PHACTR1: variants seen among roughly 807,000 people sequenced by gnomAD.
PHACTR1 encodes the protein phosphatase and actin regulator 1.
In PHACTR1, 16 loss-of-function variants were observed where a neutral mutation model predicts 69.2. The ratio of observed to expected loss-of-function variants is 0.23; its 90% confidence interval spans 0.16 to 0.35. PHACTR1 has a LOEUF of 0.35. Ranked by LOEUF, PHACTR1 falls within the 10% of genes least tolerant of loss-of-function variation. The pLI, the probability that PHACTR1 is intolerant of heterozygous loss-of-function variation, is 1.00. For missense variants in PHACTR1, 510 were observed against 734.7 expected (o/e 0.69, Z 3.54); for synonymous variants, 312 against 284.5 (o/e 1.10, Z -0.97).
intron 4 of PHACTR1, among the ~76,000 whole-genome samples, chr6:12,786,785 T>C (rs1192629096): frequency 6.6e-6 from 1 of 152,216 alleles, no homozygotes; most frequent in Non-Finnish European, 1.5e-5. Context: ...TGAACCCTTG[T>C]GGCAGAGCAA....
chr6:13,112,387 T>C (rs1817183341), intron 5 of PHACTR1, among the ~76,000 whole-genome samples: 1 of 152,232 alleles, frequency 6.6e-6, no homozygotes, highest in African/African-American at 2.4e-5. Flanking sequence ...CCTTTGGGTA[T>C]ACACCCACTA....
At chr6:12,779,321 G>C (rs1770513057) in intron 4 of PHACTR1, among the ~76,000 whole-genome samples, 1 of 152,028 alleles carries the variant, frequency 6.6e-6, no homozygotes, top group Admixed American at 6.6e-5. Flanking sequence ...GGCAACAAGA[G>C]CAAAACTCCA....
At chr6:13,205,243 C>T (rs561516348) in intron 7 of PHACTR1, among the ~76,000 whole-genome samples, 1 of 152,268 alleles carries the variant, frequency 6.6e-6, no homozygotes, top group South Asian at 2.1e-4. Context: ...CCCACTCTTC[C>T]TTGGGAACTA....
chr6:13,118,522 A>T (rs1467972457), intron 5 of PHACTR1, among the ~76,000 whole-genome samples: 1 of 120,436 alleles, frequency 8.3e-6, no homozygotes, highest in African/African-American at 3.3e-5. Flanking sequence ...TTTGTTGCCC[A>T]GGCTGGAGTG....
intron 4 of PHACTR1, among the ~76,000 whole-genome samples, chr6:13,003,837 T>A (rs1172842804): frequency 6.6e-6 from 1 of 150,994 alleles, no homozygotes; most frequent in African/African-American, 2.4e-5. Flanking sequence ...TGAGAACATG[T>A]GGTATTTGAC....
intron 4 of PHACTR1, among the ~76,000 whole-genome samples, chr6:12,782,337 G>C (rs375134562): frequency 5.9e-5 from 9 of 152,236 alleles, no homozygotes; most frequent in African/African-American, 2.2e-4. Context: ...GGACAAGCAG[G>C]TTGGGCCGGT....
chr6:13,146,321 T>G lies in PHACTR1; in HGVS notation c.416-13883T>G, dbSNP rs1823346590. 2.0e-5 allele frequency among the ~76,000 whole-genome samples: 3 copies of G among 152,230 alleles called. No homozygotes were observed. In the South Asian group the frequency reaches 6.2e-4, roughly 32 times the overall value. ...CCTTCAGGCAAAATATTTGTCTGGA[T>G]AGACATCTGACATAGCTATGCATAG... On this transcript the variant is annotated intron_variant, in intron 5 of 14. Transcript: ENST00000332995.
At chr6:12,958,335 G>A (rs1373491364) in intron 4 of PHACTR1, among the ~76,000 whole-genome samples, 1 of 152,202 alleles carries the variant, frequency 6.6e-6, no homozygotes, top group Non-Finnish European at 1.5e-5. Context: ...GGTGCCTGCT[G>A]AGGCAGGCAG....
chr6:12,991,831 G>A (rs1796854652), intron 4 of PHACTR1, among the ~76,000 whole-genome samples: 1 of 152,004 alleles, frequency 6.6e-6, no homozygotes, highest in South Asian at 2.1e-4. Flanking sequence ...GCTTGCTCAA[G>A]ACCTCAAATA....
intron 4 of PHACTR1, among the ~76,000 whole-genome samples, chr6:13,019,602 C>T (rs923092096): frequency 2.0e-5 from 3 of 152,146 alleles, no homozygotes; most frequent in African/African-American, 7.2e-5. Flanking sequence ...AATAATTTCC[C>T]CTTTTGTTCT....
intron 4 of PHACTR1, among the ~76,000 whole-genome samples, chr6:12,954,838 A>G (rs989756263): frequency 2.6e-5 from 4 of 152,196 alleles, no homozygotes; most frequent in African/African-American, 9.7e-5. Context: ...GCAAGTAGGG[A>G]TAGACAAATT....
chr6:12,755,264 G>C (rs1767179818), intron 4 of PHACTR1, among the ~76,000 whole-genome samples: 1 of 152,014 alleles, frequency 6.6e-6, no homozygotes, highest in African/African-American at 2.4e-5. Flanking sequence ...AAATATCTGA[G>C]GCAAGAGTCA....
At chr6:12,950,777 G>A (rs549654078) in intron 4 of PHACTR1, among the ~76,000 whole-genome samples, 39 of 152,170 alleles carry the variant, frequency 2.6e-4, no homozygotes, top group Admixed American at 7.9e-4. Context: ...CCCAGTTTAC[G>A]AAACAGAGGC....
chr6:12,936,639 G>T (rs1038003087), intron 4 of PHACTR1, among the ~76,000 whole-genome samples: 3 of 152,204 alleles, frequency 2.0e-5, no homozygotes, highest in Non-Finnish European at 4.4e-5. Context: ...GTGCATTAAT[G>T]CACTTTTCAC....
chr6:13,259,821 A>G (rs2000373), intron 10 of PHACTR1, among the ~76,000 whole-genome samples: 4,211 of 152,274 alleles, frequency 0.028, 184 homozygotes, highest in African/African-American at 0.092. Context: ...AACTGTTCTT[A>G]GCTTAAGGGG....
intron 5 of PHACTR1, among the ~76,000 whole-genome samples, chr6:13,098,404 G>T (rs529651612): frequency 6.6e-6 from 1 of 151,972 alleles, no homozygotes; most frequent in Non-Finnish European, 1.5e-5. Flanking sequence ...ATCCCTGTGG[G>T]TTGCTATCTA....
intron 4 of PHACTR1, among the ~76,000 whole-genome samples, chr6:12,899,892 A>C (rs904340742): frequency 2.0e-5 from 3 of 152,074 alleles, no homozygotes; most frequent in Admixed American, 1.3e-4. Context: ...TCCCACTGAG[A>C]GGGATGGGCT....
At chr6:13,249,628 A>C (rs1033835092) in intron 10 of PHACTR1, among the ~76,000 whole-genome samples, 4 of 151,972 alleles carry the variant, frequency 2.6e-5, no homozygotes, top group Admixed American at 2.6e-4. Context: ...GTGAAACCTC[A>C]TGTCTACTAA....
At chr6:13,273,823 C>T (rs1233089447) in intron 11 of PHACTR1, 1 of 152,254 alleles carries the variant, frequency 6.6e-6, no homozygotes, top group Non-Finnish European at 1.5e-5. Context: ...TCTAATTTCT[C>T]TCCAGAAGAG....
Sources: allele counts gnomAD v4.1 joint callset (sites outside exome capture counted in the v4.1 genomes callset), GRCh38; gene constraint gnomAD v4.1.1; transcripts MANE v1.5; gene names NCBI Gene and HGNC (gene_info 2026-07-23, HGNC 2026-07-21).